PCDHA5: variants seen among roughly 807,000 people sequenced by gnomAD.
PCDHA5 encodes the protein protocadherin alpha 5.
PCDHA5 carries 43 observed loss-of-function variants against 61.6 expected under a neutral mutation model. That is an observed-to-expected ratio of 0.70 (90% CI 0.55 to 0.90). The LOEUF is 0.90. Ranked by LOEUF, PCDHA5 falls within the 40% of genes least tolerant of loss-of-function variation. The pLI is 0.00. For synonymous variants in PCDHA5, 627 were observed against 543.9 expected, an observed-to-expected ratio of 1.15 and a Z score of -2.13; for missense variants, 1,298 against 1,222.7, an observed-to-expected ratio of 1.06 and a Z score of -0.92.
chr5:140,887,955 CTTTT>C (rs2061644555), intron 1 of PCDHA5, among the ~76,000 whole-genome samples: 2 of 152,088 alleles, frequency 1.3e-5, no homozygotes, highest in African/African-American at 4.8e-5. Flanking sequence ...GTATAAGATT[CTTTT>C]TGTCTCTTTT....
At chr5:140,875,561 A>G in intron 1 of PCDHA5, 1 of 1,614,128 alleles carries the variant, frequency 6.2e-7, no homozygotes, top group Non-Finnish European at 8.5e-7. Flanking sequence ...GGGAGCGGCC[A>G]GCTCCACTAC....
intron 1 of PCDHA5, chr5:140,857,528 G>A: frequency 6.3e-7 from 1 of 1,597,766 alleles, no homozygotes; most frequent in Non-Finnish European, 8.6e-7. Flanking sequence ...CTACTCTCTG[G>A]TGGAGCGGCG....
chr5:140,883,683 G>A lies in PCDHA5; in HGVS notation c.2352+59556G>A, dbSNP rs1015362604. ...GTGAAGGAAAACAATCCGCCGGGCT[G>A]CCACATCTTCACGGTGTCTGCTCAG... On this transcript the variant is annotated intron_variant, in intron 1 of 3. Transcript: ENST00000529859. 4 of 1,613,808 alleles carry A rather than the reference G, an allele frequency of 2.5e-6. No individual in the cohort carries two copies. Among genetic ancestry groups the A allele is most frequent in the Non-Finnish European group, 3.4e-6 (4 of 1,179,896 alleles).
chr5:140,878,274 C>G (rs1273765492), intron 1 of PCDHA5, among the ~76,000 whole-genome samples: 3 of 152,092 alleles, frequency 2.0e-5, no homozygotes, highest in Non-Finnish European at 1.5e-5. Flanking sequence ...TTTAAAATAG[C>G]CTTCTTGATC....
intron 3 of PCDHA5, among the ~76,000 whole-genome samples, chr5:140,995,181 T>G (rs1443897354): frequency 6.6e-6 from 1 of 152,186 alleles, no homozygotes; most frequent in Non-Finnish European, 1.5e-5. Context: ...GGTGCACCTA[T>G]GATAAAGTTT....
At chr5:141,007,891 T>G (rs2098350311) in intron 3 of PCDHA5, among the ~76,000 whole-genome samples, 1 of 152,232 alleles carries the variant, frequency 6.6e-6, no homozygotes, top group Admixed American at 6.5e-5. Flanking sequence ...CTTTAAAAAT[T>G]TATTGTTCTT....
chr5:140,894,572 T>C (rs2064553478), intron 1 of PCDHA5, among the ~76,000 whole-genome samples: 2 of 152,010 alleles, frequency 1.3e-5, no homozygotes, highest in Admixed American at 6.5e-5. Flanking sequence ...TATTTTCCTT[T>C]TTTTTAATAT....
At chr5:140,886,545 C>T (rs894582397) in intron 1 of PCDHA5, among the ~76,000 whole-genome samples, 5 of 151,964 alleles carry the variant, frequency 3.3e-5, no homozygotes, top group Non-Finnish European at 7.4e-5. Flanking sequence ...AAGGTCTTCC[C>T]AGCTGGGCAC....
intron 1 of PCDHA5, chr5:140,835,821 G>T (rs375168399): frequency 3.1e-6 from 5 of 1,612,714 alleles, no homozygotes; most frequent in East Asian, 2.2e-5. Flanking sequence ...TGTGTCGGCG[G>T]GGGACGCGGA....
rs2150411102 is a variant in PCDHA5, at chr5:140,848,487, G to A, written c.2352+24360G>A. 8 of 1,574,380 alleles carry A rather than the reference G, an allele frequency of 5.1e-6. No individual in the cohort carries two copies. The Admixed American group carries it at 1.2e-4, about 24-fold the overall frequency. On this transcript the variant is annotated intron_variant, in intron 1 of 3. Coordinates refer to ENST00000529859, the MANE Select transcript of PCDHA5 (RefSeq NM_018908.3). ...TTTTCACTAATTAGAAGAAGACTGA[G>A]TATTTGAAATGTTATACTCAAGTCG...
At chr5:141,007,235 T>G (rs2098311065) in intron 3 of PCDHA5, among the ~76,000 whole-genome samples, 1 of 151,964 alleles carries the variant, frequency 6.6e-6, no homozygotes, top group Non-Finnish European at 1.5e-5. Context: ...GAAGGATTGT[T>G]GAGCTGAAGG....
chr5:140,843,105 G>A (rs2150352626), intron 1 of PCDHA5: 1 of 1,595,772 alleles, frequency 6.3e-7, no homozygotes, highest in South Asian at 1.1e-5. Flanking sequence ...GCGAAGGTGC[G>A]CGCAGTGGAC....
At chr5:140,980,584 C>T (rs1447001293) in intron 2 of PCDHA5, among the ~76,000 whole-genome samples, 3 of 151,934 alleles carry the variant, frequency 2.0e-5, no homozygotes, top group Non-Finnish European at 4.4e-5. Context: ...GAGCCAAGAT[C>T]GAGCCACTGC....
At chr5:140,938,209 G>A (rs1210350140) in intron 1 of PCDHA5, among the ~76,000 whole-genome samples, 3 of 152,160 alleles carry the variant, frequency 2.0e-5, no homozygotes, top group Admixed American at 6.5e-5. Flanking sequence ...GCCTCCCAAA[G>A]TGCTGGGATT....
intron 1 of PCDHA5, chr5:140,875,560 C>G: frequency 6.2e-7 from 1 of 1,614,124 alleles, no homozygotes; most frequent in Non-Finnish European, 8.5e-7. Context: ...GGGGAGCGGC[C>G]AGCTCCACTA....
In PCDHA5 at chr5:140,856,289, G is replaced by A. The variant is rs138367057; in HGVS notation, c.2352+32162G>A. Reference sequence around the variant, plus strand: ...CCTTCTGGAGGTAAATCTGCAGAATGGCATTTTGTTTGTGAATTCTCGGAT... The same window carrying A: ...CCTTCTGGAGGTAAATCTGCAGAATAGCATTTTGTTTGTGAATTCTCGGAT... On this transcript the variant is annotated intron_variant, in intron 1 of 3. Coordinates refer to ENST00000529859, the MANE Select transcript of PCDHA5 (RefSeq NM_018908.3). The A allele has an allele frequency of 3.3e-4, 527 of 1,598,532 alleles. 21 individuals carry two copies. The African/African-American group carries it at 6.0e-3, about 18-fold the overall frequency.
intron 1 of PCDHA5, chr5:140,876,770 C>T (rs2056573777): frequency 6.2e-7 from 1 of 1,614,248 alleles, no homozygotes; most frequent in Non-Finnish European, 8.5e-7. Context: ...GGGGGCTCGC[C>T]TTCGCTGTGG....
At chr5:140,875,935 G>A (rs781964808) in intron 1 of PCDHA5, 14 of 1,614,210 alleles carry the variant, frequency 8.7e-6, no homozygotes, top group African/African-American at 1.3e-5. Flanking sequence ...TTTTCCTCTA[G>A]AGGGCGCTTC....
intron 1 of PCDHA5, chr5:140,831,268 T>C (rs1361595805): frequency 1.3e-5 from 2 of 152,248 alleles, no homozygotes; most frequent in Non-Finnish European, 2.9e-5. Flanking sequence ...TGAATTTCAC[T>C]TGATGGTCTT....
Sources: gnomAD v4.1 joint callset for allele counts (sites outside exome capture counted in the v4.1 genomes callset) on GRCh38, gnomAD v4.1.1 for gene constraint, MANE v1.5 for transcripts, NCBI Gene and HGNC (gene_info 2026-07-23, HGNC 2026-07-21) for gene names.